Variants in GID4 observed in about 807,000 individuals in gnomAD.
GID4 encodes the protein GID complex subunit 4 homolog.
A neutral mutation model predicts 32.4 loss-of-function variants in GID4; 7 were observed. That is an observed-to-expected ratio of 0.22 (90% CI 0.12 to 0.41). GID4 has a LOEUF of 0.41. Among genes scored for constraint, GID4 ranks in the 10% least tolerant of loss-of-function variants. The pLI, the probability that GID4 is intolerant of heterozygous loss-of-function variation, is 1.00. For missense variants in GID4, 309 were observed against 400.0 expected (o/e 0.77, Z 1.94); for synonymous variants, 166 against 170.0 (o/e 0.98, Z 0.18).
chr17:18,060,271 G>A (rs954297325), intron 4 of GID4, among the ~76,000 whole-genome samples: 7 of 150,634 alleles, frequency 4.6e-5, no homozygotes, highest in East Asian at 2.0e-4. Context: ...AGTGGTGCAC[G>A]CCTGTAATCC....
At position 18,066,728 on chromosome 17, in the gene GID4, G is replaced by T. The variant is rs74633559; in HGVS notation, c.*1485G>T. 6.6e-6 allele frequency: 1 copy of T among 152,142 alleles called. No homozygotes were observed. The highest frequency in any genetic ancestry group is 1.9e-4 in the East Asian group (1 of 5,204). The allele number at this position is 152,142 out of a possible 1,614,324, so 9.4% of individuals were successfully genotyped here. A position where few individuals can be genotyped will look rare whatever the true frequency, so the allele number is the denominator to read the frequency against. On this transcript the variant is annotated 3_prime_UTR_variant, in exon 6 of 6. Transcript: ENST00000268719. ...AGAATGTGAAGCCCTTCAGTGAGAC[G>T]AGACGAGCAATGGGAAACCTTTTCT...
rs929434941 is a variant in GID4, at chr17:18,068,224, T to C, written c.*2981T>C. On this transcript the variant is annotated 3_prime_UTR_variant, in exon 6 of 6. Transcript: ENST00000268719. ...CAAGTTGTGGGAAAGAAAAATAATA[T>C]TTGATTTTGAATCTTAAATGTTTTT... The C allele has an allele frequency of 1.3e-5, 2 of 152,630 alleles. No individual in the cohort carries two copies. Among genetic ancestry groups the C allele is most frequent in the Non-Finnish European group, 2.9e-5 (2 of 68,040 alleles). 9.5% of individuals were successfully genotyped at this position (152,630 alleles called of 1,614,324 possible).
At chr17:18,054,101 T>G (rs1341087873) in intron 2 of GID4, 26 bp from the exon 3 acceptor site, 1 of 1,269,290 alleles carries the variant, frequency 7.9e-7, no homozygotes, top group East Asian at 2.3e-5. Context: ...CAACATCTTA[T>G]TTTGATATTT....
Position 18,065,318 on chromosome 17 carries a change from C to A in GID4, c.*75C>A. On this transcript the variant is annotated 3_prime_UTR_variant, in exon 6 of 6. Coordinates refer to ENST00000268719, the MANE Select transcript of GID4 (RefSeq NM_024052.5). ...CTTTGCCGAGAAAATTGTGTACCTGCCAGAACCAGGAGAAGTGTGTTCCTG... is the reference window on the plus strand; with the variant it reads ...CTTTGCCGAGAAAATTGTGTACCTGACAGAACCAGGAGAAGTGTGTTCCTG... 1 of 1,082,014 alleles carries A rather than the reference C, an allele frequency of 9.2e-7. No individual in the cohort carries two copies. The highest frequency in any genetic ancestry group is 1.3e-5 in the South Asian group (1 of 78,372). 67.0% of individuals were successfully genotyped at this position (1,082,014 alleles called of 1,614,324 possible). A position where few individuals can be genotyped will look rare whatever the true frequency, so the allele number is the denominator to read the frequency against.
chr17:18,039,560 G>C lies in GID4; in HGVS notation c.96G>C (p.Leu32Phe). 5 of 1,304,174 alleles carry C rather than the reference G, an allele frequency of 3.8e-6. No homozygotes were observed. In the South Asian group the frequency reaches 9.4e-5, roughly 25 times the overall value. The allele number at this position is 1,304,174 out of a possible 1,614,324, so 80.8% of individuals were successfully genotyped here. A position where few individuals can be genotyped will look rare whatever the true frequency, so the allele number is the denominator to read the frequency against. ...VPGSRWRPERLLRRQRAGGRP... is the reference protein window; with the variant it reads ...VPGSRWRPERFLRRQRAGGRP... ...GGTCCCGGTGGCGGCCGGAGCGCTT[G>C]CTCCGCAGGCAGCGGGCGGGTGGTC... The change falls in exon 1 of 6, where the codon TTG (leucine) becomes TTC (phenylalanine). Residue 32 changes from leucine (L) to phenylalanine (F), a missense_variant. Leu to Phe is a conservative substitution (Grantham distance 22). Coordinates refer to ENST00000268719, the MANE Select transcript of GID4 (RefSeq NM_024052.5). This position sits in a 1 kb window ranked among gnomAD's most constrained non-coding sequence, Gnocchi z 5.3.
At position 18,039,848 on chromosome 17, in the gene GID4, C is replaced by T. The variant is rs1173025478; in HGVS notation, c.384C>T (p.Phe128=). 3.2e-6 allele frequency: 5 copies of T among 1,548,606 alleles called. No homozygotes were observed. The highest frequency in any genetic ancestry group is 3.7e-5 in the Admixed American group (2 of 54,172). Residue 128 remains phenylalanine, a synonymous_variant, in exon 1 of 6, where the codon TTC becomes TTT. Coordinates refer to ENST00000268719, the MANE Select transcript of GID4 (RefSeq NM_024052.5). This position sits in a 1 kb window ranked among gnomAD's most constrained non-coding sequence, Gnocchi z 5.3. ...ATSLLYSGSK[F]RGHQKSKGNS... is the part of the protein sequence containing the mutation. ...GCCTGCTCTACAGCGGCTCCAAGTTCCGCGGCCACCAGAAGAGCAAGGGGA... is the reference window on the plus strand; with the variant it reads ...GCCTGCTCTACAGCGGCTCCAAGTTTCGCGGCCACCAGAAGAGCAAGGGGA...
Position 18,063,931 on chromosome 17 carries a change from C to T in GID4, c.840-1249C>T, listed in dbSNP as rs975975035. On this transcript the variant is annotated intron_variant, in intron 5 of 5. Coordinates refer to ENST00000268719, the MANE Select transcript of GID4 (RefSeq NM_024052.5). ...CTAAGTTTTGTATTTTTAGTAGAGA[C>T]GGGGTTTTGCCATGTTGGCCAGGCC... 1.4e-4 allele frequency among the ~76,000 whole-genome samples: 22 copies of T among 152,218 alleles called. No individual in the cohort carries two copies. The East Asian group carries it at 4.1e-3, about 28-fold the overall frequency.
At chr17:18,053,558 A>G (rs1435619756) in intron 2 of GID4, among the ~76,000 whole-genome samples, 1 of 152,106 alleles carries the variant, frequency 6.6e-6, no homozygotes, top group East Asian at 1.9e-4. Flanking sequence ...AGGAGGTTGC[A>G]GTGAACCGAA....
At chr17:18,062,052 A>C in intron 5 of GID4, 77 bp downstream of exon 5, 1 of 1,361,380 alleles carries the variant, frequency 7.3e-7, no homozygotes, top group Non-Finnish European at 1.0e-6. Flanking sequence ...TCAAACCCAA[A>C]AGCAACATCT....
intron 4 of GID4, among the ~76,000 whole-genome samples, chr17:18,059,398 C>T (rs745699240): frequency 2.0e-5 from 3 of 152,094 alleles, no homozygotes; most frequent in Non-Finnish European, 2.9e-5. Flanking sequence ...AAACACCATC[C>T]GTGGGCCAGG....
At chr17:18,060,832 C>CA (rs371170945) in intron 4 of GID4, among the ~76,000 whole-genome samples, 2 of 152,194 alleles carry the variant, frequency 1.3e-5, no homozygotes, top group African/African-American at 4.8e-5. Flanking sequence ...GTCCCGTGTT[C>CA]AAGCAATTCT....
chr17:18,054,373 T>C, intron 3 of GID4, 139 bp downstream of exon 3: 1 of 538,270 alleles, frequency 1.9e-6, no homozygotes, highest in Non-Finnish European at 3.3e-6. Context: ...CACACAGACC[T>C]CAGTTGTTCC....
At chr17:18,054,362 G>A (rs919980345) in intron 3 of GID4, 128 bp downstream of exon 3, 16 of 570,158 alleles carry the variant, frequency 2.8e-5, no homozygotes, top group Non-Finnish European at 5.0e-5. Flanking sequence ...AGGTTGCACT[G>A]CACACAGACC....
At chr17:18,062,418 TG>T (rs1445903508) in intron 5 of GID4, among the ~76,000 whole-genome samples, 1 of 152,190 alleles carries the variant, frequency 6.6e-6, no homozygotes, top group Non-Finnish European at 1.5e-5. Flanking sequence ...GCTCATGACC[TG>T]GGGGCCTGTG....
At position 18,041,578 on chromosome 17, in the gene GID4, G is replaced by A. The variant is rs1459536254; in HGVS notation, c.438+1676G>A. 2.6e-5 allele frequency among the ~76,000 whole-genome samples: 4 copies of A among 152,310 alleles called. No homozygotes were observed. The East Asian group carries it at 7.7e-4, about 29-fold the overall frequency. ...GTGATCCTCTTCTTAAAATGTGAGA[G>A]TCGAGTATGAAGGTACAGGGGTTTT... On this transcript the variant is annotated intron_variant, in intron 1 of 5. Coordinates refer to ENST00000268719, the MANE Select transcript of GID4 (RefSeq NM_024052.5).
intron 1 of GID4, among the ~76,000 whole-genome samples, chr17:18,040,200 G>A (rs1320241498): frequency 6.6e-6 from 1 of 152,176 alleles, no homozygotes; most frequent in Non-Finnish European, 1.5e-5. Flanking sequence ...TCATGACTCG[G>A]AGAAGGCCTG....
rs767399871 is a variant in GID4 at position 18,068,161 on chromosome 17, G to T, written c.*2918G>T. On this transcript the variant is annotated 3_prime_UTR_variant, in exon 6 of 6. Coordinates refer to ENST00000268719, the MANE Select transcript of GID4 (RefSeq NM_024052.5). ...GATAAGCTAATTTTTAAAAAGAAAT[G>T]CCATTAACTGTGTTGTATCGTGGTT... 20 of 152,620 alleles carry T rather than the reference G, an allele frequency of 1.3e-4. No individual in the cohort carries two copies. Among genetic ancestry groups the T allele is most frequent in the Non-Finnish European group, 2.2e-4 (15 of 68,036 alleles). The allele number at this position is 152,620 out of a possible 1,614,324, so 9.5% of individuals were successfully genotyped here. A position where few individuals can be genotyped will look rare whatever the true frequency, so the allele number is the denominator to read the frequency against.
chr17:18,054,319 T>C (rs1176762774), intron 3 of GID4, 85 bp downstream of exon 3: 4 of 829,524 alleles, frequency 4.8e-6, no homozygotes, highest in African/African-American at 1.7e-5. Context: ...TTGTCCCTTA[T>C]TGAGGATTAC....
chr17:18,054,762 C>T (rs1166283440), intron 3 of GID4, among the ~76,000 whole-genome samples: 1 of 152,158 alleles, frequency 6.6e-6, no homozygotes, highest in Non-Finnish European at 1.5e-5. Flanking sequence ...ATCCTGCTGC[C>T]CCCCTTTTTA....
Sources: allele counts gnomAD v4.1 joint callset (sites outside exome capture counted in the v4.1 genomes callset), GRCh38; gene constraint gnomAD v4.1.1; non-coding constraint Gnocchi (gnomAD v3.1); transcripts MANE v1.5; gene names NCBI Gene and HGNC (gene_info 2026-07-23, HGNC 2026-07-21).